GSAP: variants seen among roughly 807,000 people sequenced by gnomAD.
GSAP encodes gamma-secretase-activating protein.
A neutral mutation model predicts 131.7 loss-of-function variants in GSAP; 118 were observed. That is an observed-to-expected ratio of 0.90 (90% CI 0.77 to 1.04). The LOEUF (loss-of-function observed/expected upper bound fraction) is 1.04, where lower values mean the gene tolerates loss of function less well. Among genes scored for constraint, GSAP ranks in the 50% least tolerant of loss-of-function variants. GSAP has a pLI of 0.00. For missense variants in GSAP, 1,019 were observed against 1,013.2 expected (o/e 1.01, Z -0.08); for synonymous variants, 381 against 363.4 (o/e 1.05, Z -0.55).
intron 5 of GSAP, among the ~76,000 whole-genome samples, chr7:77,395,546 G>C (rs1241220716): frequency 6.6e-6 from 1 of 152,148 alleles, no homozygotes; most frequent in Non-Finnish European, 1.5e-5. Flanking sequence ...AGGAGGACAT[G>C]GCACCAAAGA....
intron 5 of GSAP, among the ~76,000 whole-genome samples, chr7:77,389,392 G>A (rs964010523): frequency 1.3e-5 from 2 of 148,982 alleles, no homozygotes; most frequent in Non-Finnish European, 1.5e-5. Context: ...AAAAAAAAAC[G>A]CGTCATTTAG....
chr7:77,358,196 G>T (rs1794038041), intron 14 of GSAP, among the ~76,000 whole-genome samples: 1 of 152,174 alleles, frequency 6.6e-6, no homozygotes, highest in Admixed American at 6.5e-5. Context: ...TAAAAAATTA[G>T]CTGGGCATGG....
chr7:77,374,746 A>G (rs1255863723), intron 11 of GSAP, among the ~76,000 whole-genome samples: 1 of 152,152 alleles, frequency 6.6e-6, no homozygotes, highest in South Asian at 2.1e-4. Context: ...TTGATTGTCA[A>G]TGTAGCTCTC....
intron 6 of GSAP, among the ~76,000 whole-genome samples, chr7:77,383,337 C>G (rs892064939): frequency 6.6e-6 from 1 of 152,114 alleles, no homozygotes; most frequent in African/African-American, 2.4e-5. Context: ...CACACACACA[C>G]ACACACAGAG....
Position 77,353,019 on chromosome 7 carries a change from T to G in GSAP, c.1416A>C (p.Ser472=), listed in dbSNP as rs1430589481. ...DLIQEFIIAS[S]YWSVYSETSN... is the part of the protein sequence containing the mutation. ...TTGTCTCTGAATATACACTCCAGTATGAAGAAGCTGAGTAGATTTTTTTTG... is the reference window on the plus strand; with the variant it reads ...TTGTCTCTGAATATACACTCCAGTAGGAAGAAGCTGAGTAGATTTTTTTTG... The change falls in exon 18 of 31, where the codon TCA becomes TCC. Residue 472 remains serine, a synonymous_variant. Transcript: ENST00000257626. 1 of 1,590,524 alleles carries G rather than the reference T, an allele frequency of 6.3e-7. No individual in the cohort carries two copies. Among genetic ancestry groups the G allele is most frequent in the Admixed American group, 1.7e-5 (1 of 59,772 alleles).
At chr7:77,390,417 G>C (rs1799286033) in intron 5 of GSAP, among the ~76,000 whole-genome samples, 1 of 152,196 alleles carries the variant, frequency 6.6e-6, no homozygotes, top group African/African-American at 2.4e-5. Context: ...TATGGTTTTA[G>C]GTCTTACATT....
rs962750982 is a variant in GSAP at position 77,350,297 on chromosome 7, T to C, written c.1492-893A>G. Among the ~76,000 whole-genome samples the C allele has an allele frequency of 6.9e-5, 9 of 129,986 alleles. 1 individual carries two copies. The highest frequency in any genetic ancestry group is 2.5e-4 in the African/African-American group (9 of 35,312). 85.3% of individuals were successfully genotyped at this position (129,986 alleles called of 152,430 possible). The stretch of plus-strand genomic sequence containing the variant: ...GTGGGGTGGGGGGAGGGGGGAGGGA[T>C]AGCATTAGGAGATATACCTAATGCT... On this transcript the variant is annotated intron_variant, in intron 18 of 30. Transcript: ENST00000257626.
chr7:77,319,859 G>C (rs1459470559), intron 26 of GSAP, among the ~76,000 whole-genome samples: 1 of 152,212 alleles, frequency 6.6e-6, no homozygotes, highest in Non-Finnish European at 1.5e-5. Context: ...AGGTAGAACA[G>C]TGCTTGCCAG....
In GSAP at chr7:77,352,972, G is replaced by A. The variant is rs143846063; in HGVS notation, c.1463C>T (p.Pro488Leu). The A allele has an allele frequency of 3.1e-6, 5 of 1,602,666 alleles. No individual in the cohort carries two copies. The highest frequency in any genetic ancestry group is 2.6e-6 in the Non-Finnish European group (3 of 1,169,694). ...ATTCCAAGTGAGCACTGAGGAATGT[G>A]GCAATAGTTTGTCCATGTTACTTGT... is the stretch of plus-strand genomic sequence containing the variant. The part of the protein sequence containing the change: ...SETSNMDKLL[P>L]HSSVLTWNTE... Residue 488 changes from proline to leucine, a missense_variant, in exon 18 of 31, where the codon CCA (proline) becomes CTA (leucine). By Grantham distance (98) the Pro-to-Leu change is moderately conservative. Coordinates refer to ENST00000257626, the MANE Select transcript of GSAP (RefSeq NM_017439.4).
intron 18 of GSAP, chr7:77,351,698 G>T (rs1201900034): frequency 1.0e-6 from 1 of 985,850 alleles, no homozygotes; most frequent in South Asian, 4.7e-5. Context: ...ATCTTGAGAA[G>T]TGCAAAAGGG....
Position 77,348,095 on chromosome 7 carries a change from G to C in GSAP, c.1545+1256C>G, listed in dbSNP as rs562927668. Among the ~76,000 whole-genome samples the C allele has an allele frequency of 1.6e-4, 25 of 152,080 alleles. No homozygotes were observed. The South Asian group carries it at 3.7e-3, about 23-fold the overall frequency. Reference sequence around the variant, plus strand: ...GAGACGGGAGGATTGCTTGAGCCCAGGAATTAGAGATTATAGTGAGCTATG... The same window carrying C: ...GAGACGGGAGGATTGCTTGAGCCCACGAATTAGAGATTATAGTGAGCTATG... On this transcript the variant is annotated intron_variant, in intron 19 of 30. Transcript: ENST00000257626.
At chr7:77,412,647 T>TA (rs1003676662) in intron 1 of GSAP, among the ~76,000 whole-genome samples, 6 of 149,592 alleles carry the variant, frequency 4.0e-5, no homozygotes, top group East Asian at 2.0e-4. Context: ...AATAATCAAT[T>TA]AAAAAAAATA....
At chr7:77,320,661 G>T in intron 26 of GSAP, 64 bp downstream of exon 26, 3 of 928,548 alleles carry the variant, frequency 3.2e-6, no homozygotes, top group Non-Finnish European at 5.3e-6. Flanking sequence ...TGTACCAAAG[G>T]CAAGGGCCCA....
chr7:77,362,674 G>T lies in GSAP; in HGVS notation c.872-14C>A, dbSNP rs766470969. ...CACACAAACTTCCTAGAAGAAAAAG[G>T]ATATTTAGTAGAGTTTAACAGAATC... On this transcript the variant is annotated splice_polypyrimidine_tract_variant and intron_variant, in intron 12 of 30. Transcript: ENST00000257626. 11 of 1,464,462 alleles carry T rather than the reference G, an allele frequency of 7.5e-6. No individual in the cohort carries two copies. Among genetic ancestry groups the T allele is most frequent in the South Asian group, 1.1e-5 (1 of 87,388 alleles). The allele number at this position is 1,464,462 out of a possible 1,614,324, so 90.7% of individuals were successfully genotyped here.
At chr7:77,367,607 G>C (rs549556431) in intron 12 of GSAP, among the ~76,000 whole-genome samples, 55 of 152,150 alleles carry the variant, frequency 3.6e-4, no homozygotes, top group Non-Finnish European at 6.0e-4. Context: ...TGGTTTCCAT[G>C]TATTTTGATG....
chr7:77,330,966 G>A, intron 19 of GSAP: 1 of 497,016 alleles, frequency 2.0e-6, no homozygotes, highest in Non-Finnish European at 2.6e-6. Context: ...CTACCCTGAA[G>A]CAAGAATGTA....
At chr7:77,349,842 C>T (rs1434722162) in intron 18 of GSAP, among the ~76,000 whole-genome samples, 2 of 152,254 alleles carry the variant, frequency 1.3e-5, no homozygotes, top group East Asian at 1.9e-4. Flanking sequence ...GGAATCAAGA[C>T]TAACAGGATT....
In GSAP at chr7:77,397,353, A is replaced by T. The variant is rs768198930; in HGVS notation, c.306T>A (p.Thr102=). Residue 102 remains threonine (T), a synonymous_variant, in exon 4 of 31, where the codon ACT becomes ACA. Transcript: ENST00000257626. ...AATAAGAGCTCAACTTACCAAGCAA[A>T]GTCCTTTCACTGTTGACAGAGCAAC... ...VFSCSVNSER[T]LLAASLVQST... is the part of the protein sequence containing the mutation. 6.3e-7 allele frequency: 1 copy of T among 1,598,686 alleles called. No homozygotes were observed. The highest frequency in any genetic ancestry group is 1.1e-5 in the South Asian group (1 of 89,794).
At chr7:77,366,086 A>G (rs1341296174) in intron 12 of GSAP, among the ~76,000 whole-genome samples, 1 of 151,134 alleles carries the variant, frequency 6.6e-6, no homozygotes, top group Non-Finnish European at 1.5e-5. Flanking sequence ...TTTTTAATGG[A>G]GTTGTTTTTG....
Sources: gnomAD v4.1 joint callset for allele counts (sites outside exome capture counted in the v4.1 genomes callset) on GRCh38, gnomAD v4.1.1 for gene constraint, MANE v1.5 for transcripts, NCBI Gene and HGNC (gene_info 2026-07-23, HGNC 2026-07-21) for gene names.